TTC29: variants seen among roughly 807,000 people sequenced by gnomAD.
TTC29 encodes the protein tetratricopeptide repeat domain 29.
Under a neutral mutation model 58.1 loss-of-function variants are expected in TTC29, and 49 were observed. The ratio of observed to expected loss-of-function variants is 0.84; its 90% confidence interval spans 0.67 to 1.07. The LOEUF (loss-of-function observed/expected upper bound fraction) is 1.07, where lower values mean the gene tolerates loss of function less well. TTC29 is among the 50% of genes least tolerant of loss of function. The pLI is 0.00. For synonymous variants in TTC29, 209 were observed against 196.8 expected (o/e 1.06, Z -0.52); for missense variants, 582 against 555.6 (o/e 1.05, Z -0.48).
rs1269719109 is a variant in TTC29 at position 146,707,530 on chromosome 4, A to G, written c.1352T>C (p.Val451Ala). The change falls in exon 12 of 13, where the codon GTG (valine) becomes GCG (alanine). Residue 451 changes from valine (V) to alanine (A), a missense_variant. Val to Ala is a moderately conservative substitution (Grantham distance 64). Transcript: ENST00000325106. ...TTCTGAGTTTTGAGATACAGCTTCC[A>G]CTGTGGATCCTCTAAACTCTTCTAA... ...PVTEEFRGSTVEAVSQNSERL... is the reference protein window; with the variant it reads ...PVTEEFRGSTAEAVSQNSERL... The G allele has an allele frequency of 6.2e-7, 1 of 1,608,240 alleles. No homozygotes were observed. Among genetic ancestry groups the G allele is most frequent in the Admixed American group, 1.7e-5 (1 of 59,774 alleles).
chr4:146,830,098 T>C (rs1728060392), intron 9 of TTC29, among the ~76,000 whole-genome samples: 1 of 152,206 alleles, frequency 6.6e-6, no homozygotes. Context: ...TAGCTTTTAT[T>C]GTAGTTTCAC....
intron 2 of TTC29, among the ~76,000 whole-genome samples, chr4:146,941,188 A>G (rs1052812766): frequency 9.2e-5 from 14 of 152,188 alleles, no homozygotes; most frequent in Admixed American, 8.5e-4. Flanking sequence ...AGAGGCATCC[A>G]AAAGGCCAGG....
intron 4 of TTC29, among the ~76,000 whole-genome samples, chr4:146,923,576 T>C (rs1335978655): frequency 6.6e-6 from 1 of 151,850 alleles, no homozygotes; most frequent in Non-Finnish European, 1.5e-5. Context: ...GCTTTCTCTT[T>C]GGGATACATT....
chr4:146,847,621 GC>G (rs1339685256), intron 8 of TTC29, among the ~76,000 whole-genome samples: 3 of 152,130 alleles, frequency 2.0e-5, no homozygotes, highest in Non-Finnish European at 4.4e-5. Context: ...GTGCAGAAGG[GC>G]CACACTGACA....
chr4:146,909,214 T>G lies in TTC29; in HGVS notation c.212A>C (p.Asp71Ala), dbSNP rs773906372. Residue 71 changes from aspartate to alanine, a missense_variant, in exon 5 of 13, where the codon GAC becomes GCC. Asp to Ala is a moderately radical substitution (Grantham distance 126). Coordinates refer to ENST00000325106, the MANE Select transcript of TTC29 (RefSeq NM_031956.4). ...CTTATGATAACCATCTCGCAGCATG[T>G]CCACACAGATATTCTTCTTGTAGGA... ...RNSYKKNICV[D>A]MLRDGYHKSF... 2.5e-6 allele frequency: 4 copies of G among 1,613,448 alleles called. No homozygotes were observed. The highest frequency in any genetic ancestry group is 3.4e-6 in the Non-Finnish European group (4 of 1,179,736).
chr4:146,739,332 C>G (rs753578119), intron 11 of TTC29, among the ~76,000 whole-genome samples: 13 of 151,970 alleles, frequency 8.6e-5, no homozygotes, highest in Non-Finnish European at 1.5e-4. Flanking sequence ...GTTCAAATAC[C>G]CCCTTCACCC....
chr4:146,869,317 T>G (rs1478650467), intron 7 of TTC29, among the ~76,000 whole-genome samples: 1 of 152,138 alleles, frequency 6.6e-6, no homozygotes, highest in Non-Finnish European at 1.5e-5. Context: ...CTTTGAAGAC[T>G]TCAAGGAAAT....
intron 8 of TTC29, among the ~76,000 whole-genome samples, chr4:146,843,147 G>T (rs1041636524): frequency 1.3e-5 from 2 of 152,124 alleles, no homozygotes; most frequent in African/African-American, 4.8e-5. Flanking sequence ...AATAGGCACT[G>T]GTGGAAGATA....
At chr4:146,770,662 A>G (rs182843748) in intron 11 of TTC29, among the ~76,000 whole-genome samples, 45 of 152,184 alleles carry the variant, frequency 3.0e-4, no homozygotes, top group African/African-American at 1.0e-3. Flanking sequence ...AGTGTGGTTC[A>G]AAGCATGGAT....
At chr4:146,844,316 T>A (rs1729028313) in intron 8 of TTC29, among the ~76,000 whole-genome samples, 1 of 152,176 alleles carries the variant, frequency 6.6e-6, no homozygotes, top group Admixed American at 6.5e-5. Context: ...AATAGTAAAT[T>A]GGAACATACA....
chr4:146,718,608 T>C (rs1743116279), intron 11 of TTC29, among the ~76,000 whole-genome samples: 1 of 152,220 alleles, frequency 6.6e-6, no homozygotes, highest in African/African-American at 2.4e-5. Context: ...TGTTGGTTAT[T>C]AATCCCTTAT....
At chr4:146,887,256 G>A (rs1732047872) in intron 6 of TTC29, among the ~76,000 whole-genome samples, 1 of 152,008 alleles carries the variant, frequency 6.6e-6, no homozygotes, top group South Asian at 2.1e-4. Context: ...TAACCTCTTA[G>A]TATCCTAGTT....
At position 146,945,055 on chromosome 4, in the gene TTC29, T is replaced by A. The variant is rs1370750840; in HGVS notation, c.-31A>T. Reference sequence around the variant, plus strand: ...CATTTGCAGATTACTGCTGATGGTCTCTCCAGGCTTATAGACTTCAGCCTG... The same window carrying A: ...CATTTGCAGATTACTGCTGATGGTCACTCCAGGCTTATAGACTTCAGCCTG... On this transcript the variant is annotated 5_prime_UTR_variant, in exon 2 of 13. Transcript: ENST00000325106. 3.3e-5 allele frequency: 5 copies of A among 152,192 alleles called. No individual in the cohort carries two copies. The East Asian group carries it at 9.6e-4, about 29-fold the overall frequency. The allele number at this position is 152,192 out of a possible 1,614,324, so 9.4% of individuals were successfully genotyped here. A position where few individuals can be genotyped will look rare whatever the true frequency, so the allele number is the denominator to read the frequency against.
intron 10 of TTC29, among the ~76,000 whole-genome samples, chr4:146,819,911 C>A (rs752691783): frequency 6.6e-6 from 1 of 152,120 alleles, no homozygotes; most frequent in African/African-American, 2.4e-5. Flanking sequence ...GGACTGTCCC[C>A]GCATGGCCCT....
At chr4:146,767,628 T>C (rs1436115955) in intron 11 of TTC29, among the ~76,000 whole-genome samples, 4 of 152,108 alleles carry the variant, frequency 2.6e-5, no homozygotes, top group Non-Finnish European at 4.4e-5. Flanking sequence ...AGGATATTAT[T>C]GTCTATATTT....
intron 11 of TTC29, among the ~76,000 whole-genome samples, chr4:146,758,676 C>T (rs1472651449): frequency 6.6e-6 from 1 of 152,078 alleles, no homozygotes; most frequent in Non-Finnish European, 1.5e-5. Flanking sequence ...TGGAAATCAA[C>T]TCCAAAAGGA....
chr4:146,853,701 G>A (rs558528473), intron 8 of TTC29, among the ~76,000 whole-genome samples: 14 of 152,084 alleles, frequency 9.2e-5, no homozygotes, highest in Non-Finnish European at 1.8e-4. Context: ...GTCAAAAGAT[G>A]TACAAAATTT....
chr4:146,733,608 T>C (rs1744506187), intron 11 of TTC29, among the ~76,000 whole-genome samples: 1 of 152,148 alleles, frequency 6.6e-6, no homozygotes, highest in Admixed American at 6.6e-5. Flanking sequence ...GCTATAGAAA[T>C]AGGTGACTTA....
chr4:146,867,536 C>T lies in TTC29; in HGVS notation c.847G>A (p.Ala283Thr). The change falls in exon 8 of 13, where the codon GCA becomes ACA. Residue 283 changes from alanine (A) to threonine (T), a missense_variant. Coordinates refer to ENST00000325106, the MANE Select transcript of TTC29 (RefSeq NM_031956.4). ...EAEASYYLGL[A>T]HLAAEEYETA... The stretch of plus-strand genomic sequence containing the variant: ...TCATATTCCTCAGCAGCTAAGTGTG[C>T]TAAGCCCAAGTAGTAAGAGGCTTCC... 5 of 1,556,668 alleles carry T rather than the reference C, an allele frequency of 3.2e-6. No individual in the cohort carries two copies. The South Asian group carries it at 3.7e-5, about 12-fold the overall frequency.
Sources: gnomAD v4.1 joint callset for allele counts (sites outside exome capture counted in the v4.1 genomes callset) on GRCh38, gnomAD v4.1.1 for gene constraint, MANE v1.5 for transcripts, NCBI Gene and HGNC (gene_info 2026-07-23, HGNC 2026-07-21) for gene names.